The following ZNRF2 variants were observed in gnomAD, a reference collection of about 807,000 sequenced individuals.
ZNRF2 encodes zinc and ring finger 2, also known as E3 ubiquitin-protein ligase ZNRF2.
Under a neutral mutation model 20.4 loss-of-function variants are expected in ZNRF2, and 16 were observed. The ratio of observed to expected loss-of-function variants is 0.79; its 90% CI spans 0.53 to 1.19. The LOEUF is 1.19. Ranked by LOEUF, ZNRF2 falls within the 50% of genes most tolerant of loss-of-function variation. The pLI is 0.00. For missense variants in ZNRF2, 363 were observed against 332.4 expected, an observed-to-expected ratio of 1.09 and a Z score of -0.72; for synonymous variants, 178 against 144.9, an observed-to-expected ratio of 1.23 and a Z score of -1.64.
intron 1 of ZNRF2, among the ~76,000 whole-genome samples, chr7:30,295,777 C>T (rs1055217392): frequency 1.4e-4 from 21 of 152,112 alleles, no homozygotes; most frequent in African/African-American, 4.6e-4. Flanking sequence ...TTCATATCTC[C>T]GTACTTTTAA....
At chr7:30,286,797 T>G (rs1314004788) in intron 1 of ZNRF2, among the ~76,000 whole-genome samples, 3 of 152,210 alleles carry the variant, frequency 2.0e-5, no homozygotes, top group Non-Finnish European at 2.9e-5. Flanking sequence ...TTTCATCGCA[T>G]TATGTATCTG....
At chr7:30,308,704 G>C (rs1399612536) in intron 1 of ZNRF2, among the ~76,000 whole-genome samples, 2 of 152,080 alleles carry the variant, frequency 1.3e-5, no homozygotes, top group African/African-American at 2.4e-5. Flanking sequence ...TTACACTGTT[G>C]TTTGAGAGTT....
chr7:30,344,738 C>G (rs1799852048), intron 2 of ZNRF2, among the ~76,000 whole-genome samples: 1 of 152,174 alleles, frequency 6.6e-6, no homozygotes, highest in African/African-American at 2.4e-5. Context: ...GAAGTTCATC[C>G]TCATAGAAAT....
In ZNRF2 at chr7:30,331,362, TAAAG is replaced by T. The variant is rs555275240; in HGVS notation, c.565+7628_565+7631del. On this transcript the variant is annotated intron_variant, in intron 2 of 4. Transcript: ENST00000323037. Reference sequence around the variant, plus strand: ...ATGGGAAAAAATAAGACACTGTAAATAAAGAACAGAAAGTTTTGAAAAATATTCA... The same window carrying T: ...ATGGGAAAAAATAAGACACTGTAAATAACAGAAAGTTTTGAAAAATATTCA... 1.4e-4 allele frequency among the ~76,000 whole-genome samples: 22 copies of T among 152,198 alleles called. No individual in the cohort carries two copies. The East Asian group carries it at 3.9e-3, about 27-fold the overall frequency.
chr7:30,309,723 G>A (rs1799261729), intron 1 of ZNRF2, among the ~76,000 whole-genome samples: 1 of 152,116 alleles, frequency 6.6e-6, no homozygotes, highest in African/African-American at 2.4e-5. Flanking sequence ...AGTACAGAAA[G>A]GTACCCGGTA....
At chr7:30,300,910 A>G (rs1799103707) in intron 1 of ZNRF2, among the ~76,000 whole-genome samples, 2 of 152,248 alleles carry the variant, frequency 1.3e-5, no homozygotes, top group South Asian at 4.1e-4. Flanking sequence ...CCCAGGATGT[A>G]TAAATGAATC....
At chr7:30,292,417 G>A (rs1046093361) in intron 1 of ZNRF2, among the ~76,000 whole-genome samples, 19 of 151,896 alleles carry the variant, frequency 1.3e-4, no homozygotes, top group Middle Eastern at 3.2e-3. Context: ...GCGCTTTTCC[G>A]GACACTATTC....
intron 2 of ZNRF2, among the ~76,000 whole-genome samples, chr7:30,354,181 G>A (rs1258046007): frequency 6.6e-6 from 1 of 151,974 alleles, no homozygotes; most frequent in Admixed American, 6.5e-5. Flanking sequence ...GGGAAAGGGA[G>A]GGCACTTCAG....
At chr7:30,295,041 G>GAA in intron 1 of ZNRF2, among the ~76,000 whole-genome samples, 1 of 117,994 alleles carries the variant, frequency 8.5e-6, no homozygotes, top group African/African-American at 3.9e-5. Flanking sequence ...GAGAGAGAGA[G>GAA]AGAGAGAGAG....
intron 3 of ZNRF2, among the ~76,000 whole-genome samples, chr7:30,356,083 T>C (rs1289433077): frequency 6.6e-6 from 1 of 152,196 alleles, no homozygotes; most frequent in East Asian, 1.9e-4. Flanking sequence ...GAATAAATTA[T>C]CTCATGTAAG....
chr7:30,328,619 G>A (rs927883463), intron 2 of ZNRF2, among the ~76,000 whole-genome samples: 1 of 152,162 alleles, frequency 6.6e-6, no homozygotes, highest in African/African-American at 2.4e-5. Context: ...TGATGATTTA[G>A]AGTTTCAGAC....
At chr7:30,308,119 T>C (rs1031212486) in intron 1 of ZNRF2, among the ~76,000 whole-genome samples, 1 of 152,210 alleles carries the variant, frequency 6.6e-6, no homozygotes, top group African/African-American at 2.4e-5. Context: ...CTTTGTTTTA[T>C]AATTTATATA....
chr7:30,313,470 T>A (rs1430084829), intron 1 of ZNRF2, among the ~76,000 whole-genome samples: 1 of 152,184 alleles, frequency 6.6e-6, no homozygotes, highest in Non-Finnish European at 1.5e-5. Context: ...TTTCTCCCTC[T>A]AGTTTGTGAA....
chr7:30,329,820 C>T (rs1335409899), intron 2 of ZNRF2, among the ~76,000 whole-genome samples: 1 of 152,096 alleles, frequency 6.6e-6, no homozygotes, highest in African/African-American at 2.4e-5. Context: ...GGATATATAT[C>T]CAGTAACAGG....
In ZNRF2 at chr7:30,293,825, G is replaced by C. The variant is rs549896329; in HGVS notation, c.469+7999G>C. 6.6e-5 allele frequency among the ~76,000 whole-genome samples: 10 copies of C among 152,096 alleles called. No individual in the cohort carries two copies. In the South Asian group the frequency reaches 8.3e-4, roughly 13 times the overall value. On this transcript the variant is annotated intron_variant, in intron 1 of 4. Coordinates refer to ENST00000323037, the MANE Select transcript of ZNRF2 (RefSeq NM_147128.4). ...TAGCGACGAAAATATTAGTGTGTCA[G>C]AAAATTATAGATGTATTCAGTCATT...
In ZNRF2 at chr7:30,353,615, C is replaced by T. The variant is rs573719795; in HGVS notation, c.566-2113C>T. 7.2e-5 allele frequency among the ~76,000 whole-genome samples: 11 copies of T among 152,158 alleles called. No homozygotes were observed. In the South Asian group the frequency reaches 2.3e-3, roughly 32 times the overall value. ...GCAGGTTGGATTTGTCTTTGTTGTA[C>T]TATAAATTTTCTTATAAATAGGATA... On this transcript the variant is annotated intron_variant, in intron 2 of 4. Coordinates refer to ENST00000323037, the MANE Select transcript of ZNRF2 (RefSeq NM_147128.4).
At chr7:30,328,650 T>C (rs555957566) in intron 2 of ZNRF2, among the ~76,000 whole-genome samples, 1 of 152,320 alleles carries the variant, frequency 6.6e-6, no homozygotes, top group Non-Finnish European at 1.5e-5. Flanking sequence ...AGAGATGATA[T>C]TTGAAATATT....
At chr7:30,350,228 T>G (rs991942585) in intron 2 of ZNRF2, among the ~76,000 whole-genome samples, 5 of 152,076 alleles carry the variant, frequency 3.3e-5, no homozygotes, top group African/African-American at 1.2e-4. Context: ...TTACATTTTC[T>G]TGGCGAATTC....
At chr7:30,349,144 C>T (rs1171507759) in intron 2 of ZNRF2, among the ~76,000 whole-genome samples, 2 of 152,160 alleles carry the variant, frequency 1.3e-5, no homozygotes, top group East Asian at 3.8e-4. Context: ...GCCTTTTACA[C>T]ATTTTCACAT....
Sources: gnomAD v4.1 joint callset for allele counts (sites outside exome capture counted in the v4.1 genomes callset) on GRCh38, gnomAD v4.1.1 for gene constraint, MANE v1.5 for transcripts, NCBI Gene and HGNC (gene_info 2026-07-23, HGNC 2026-07-21) for gene names.